CEMIP: variants seen among roughly 807,000 people sequenced by gnomAD.
CEMIP encodes cell migration-inducing and hyaluronan-binding protein.
Under a neutral mutation model 156.9 loss-of-function variants are expected in CEMIP, and 105 were observed. That is an observed-to-expected ratio of 0.67 (90% confidence interval 0.57 to 0.79). CEMIP has a LOEUF of 0.79. Ranked by LOEUF, CEMIP falls within the 30% of genes least tolerant of loss-of-function variation. The pLI, the probability that CEMIP is intolerant of heterozygous loss-of-function variation, is 0.00. For missense variants in CEMIP, 1,457 were observed against 1,769.4 expected (o/e 0.82, Z 3.17); for synonymous variants, 676 against 668.4 (o/e 1.01, Z -0.17).
chr15:80,843,111 C>T (rs1897466155), intron 1 of CEMIP, among the ~76,000 whole-genome samples: 1 of 152,214 alleles, frequency 6.6e-6, no homozygotes, highest in Non-Finnish European at 1.5e-5. Flanking sequence ...AGTGAACTCA[C>T]TACATGCCAG....
intron 1 of CEMIP, among the ~76,000 whole-genome samples, chr15:80,797,654 T>C (rs1555426520): frequency 4.8e-5 from 1 of 20,698 alleles, no homozygotes; most frequent in Non-Finnish European, 1.3e-4. Flanking sequence ...TAACACACGG[T>C]TCTTTAGCTC....
intron 3 of CEMIP, among the ~76,000 whole-genome samples, chr15:80,878,365 C>T (rs1898538949): frequency 1.3e-5 from 2 of 152,150 alleles, no homozygotes; most frequent in Middle Eastern, 3.2e-3. Flanking sequence ...TTCCAGAAGA[C>T]AGAATGTCCT....
intron 1 of CEMIP, among the ~76,000 whole-genome samples, chr15:80,864,176 T>C (rs1898060301): frequency 6.6e-6 from 1 of 152,208 alleles, no homozygotes; most frequent in South Asian, 2.1e-4. Context: ...GACTCTGGCT[T>C]GGTGCATCTG....
intron 25 of CEMIP, among the ~76,000 whole-genome samples, chr15:80,940,296 C>A (rs1030060618): frequency 6.6e-6 from 1 of 152,174 alleles, no homozygotes; most frequent in African/African-American, 2.4e-5. Flanking sequence ...CTACCATGGG[C>A]TGGATGGTCT....
intron 1 of CEMIP, among the ~76,000 whole-genome samples, chr15:80,786,475 C>G (rs949459307): frequency 6.6e-6 from 1 of 152,020 alleles, no homozygotes; most frequent in African/African-American, 2.4e-5. Flanking sequence ...ATCTGCCCAC[C>G]ACTGCCTCCC....
At chr15:80,813,596 T>A (rs1022895413) in intron 1 of CEMIP, among the ~76,000 whole-genome samples, 2 of 152,076 alleles carry the variant, frequency 1.3e-5, no homozygotes, top group Non-Finnish European at 2.9e-5. Flanking sequence ...TCCACCTGCG[T>A]TGGCCTCCCA....
chr15:80,862,682 G>A (rs943793794), intron 1 of CEMIP, among the ~76,000 whole-genome samples: 1 of 152,232 alleles, frequency 6.6e-6, no homozygotes. Flanking sequence ...TCCCATGCAC[G>A]AAGATAGCAG....
intron 10 of CEMIP, among the ~76,000 whole-genome samples, chr15:80,890,970 C>A (rs1899015398): frequency 6.6e-6 from 1 of 152,194 alleles, no homozygotes; most frequent in Non-Finnish European, 1.5e-5. Context: ...TCCTTGGGTC[C>A]AACAGAATCA....
Position 80,875,733 on chromosome 15 carries a change from A to C in CEMIP, c.94+1760A>C, listed in dbSNP as rs374807975. Among the ~76,000 whole-genome samples the C allele has an allele frequency of 4.6e-5, 7 of 152,188 alleles. No homozygotes were observed. The East Asian group carries it at 7.8e-4, about 17-fold the overall frequency. On this transcript the variant is annotated intron_variant, in intron 3 of 29. Transcript: ENST00000394685. Reference sequence around the variant, plus strand: ...CCCGCTTCTGGTGGCCCCTCCTGGGAAAGTGAGGGTGGTTTCCATGGTGAT... The same window carrying C: ...CCCGCTTCTGGTGGCCCCTCCTGGGCAAGTGAGGGTGGTTTCCATGGTGAT...
intron 1 of CEMIP, among the ~76,000 whole-genome samples, chr15:80,816,787 C>T (rs1228130644): frequency 6.6e-6 from 1 of 151,958 alleles, no homozygotes; most frequent in Non-Finnish European, 1.5e-5. Flanking sequence ...TGTCCTTGTA[C>T]CTGCACAGCT....
chr15:80,841,978 G>T (rs771817536), intron 1 of CEMIP: 3 of 396,916 alleles, frequency 7.6e-6, no homozygotes, highest in South Asian at 2.0e-5. Flanking sequence ...CTAGCACAGT[G>T]CCTGGGATAT....
chr15:80,822,642 A>G (rs1360449890), intron 1 of CEMIP, among the ~76,000 whole-genome samples: 3 of 152,232 alleles, frequency 2.0e-5, no homozygotes, highest in African/African-American at 2.4e-5. Context: ...TCAATACCAC[A>G]TTGAAAACAG....
At chr15:80,938,729 G>C (rs1028405342) in intron 25 of CEMIP, among the ~76,000 whole-genome samples, 1 of 152,162 alleles carries the variant, frequency 6.6e-6, no homozygotes, top group Non-Finnish European at 1.5e-5. Flanking sequence ...CCTGCACTAG[G>C]TTCTATTCAA....
In CEMIP at chr15:80,872,479, T is replaced by TAG. The variant is rs754996702; in HGVS notation, c.-175-1059_-175-1058insAG. On this transcript the variant is annotated intron_variant, in intron 1 of 29. Transcript: ENST00000394685. ...CAGATTCCCATAGTAAACTTCTATATGAGTAAAAGGAAACAAAAATAACGG... is the reference window on the plus strand; with the variant it reads ...CAGATTCCCATAGTAAACTTCTATATAGGAGTAAAAGGAAACAAAAATAACGG... 3.2e-4 allele frequency among the ~76,000 whole-genome samples: 48 copies of TAG among 149,528 alleles called. 1 individual carries two copies. The highest frequency in any genetic ancestry group is 4.3e-4 in the Non-Finnish European group (29 of 68,014).
chr15:80,870,368 T>C (rs562100675), intron 1 of CEMIP, among the ~76,000 whole-genome samples: 22 of 152,124 alleles, frequency 1.4e-4, no homozygotes, highest in Non-Finnish European at 3.1e-4. Context: ...CTACCTCTTC[T>C]TCCAATAATC....
At chr15:80,807,374 G>C (rs529386111) in intron 1 of CEMIP, among the ~76,000 whole-genome samples, 1 of 152,076 alleles carries the variant, frequency 6.6e-6, no homozygotes, top group South Asian at 2.1e-4. Flanking sequence ...GGGACTACAG[G>C]TGCATGCCAC....
intron 1 of CEMIP, among the ~76,000 whole-genome samples, chr15:80,840,055 C>T (rs1032652631): frequency 1.1e-4 from 16 of 152,180 alleles, no homozygotes; most frequent in Non-Finnish European, 2.1e-4. Context: ...GCCCCCCAGG[C>T]CAGCAGGGAA....
chr15:80,814,043 CTTTTTTTTTTTTT>C (rs778309859), intron 1 of CEMIP, among the ~76,000 whole-genome samples: 3 of 73,730 alleles, frequency 4.1e-5, no homozygotes, highest in Admixed American at 4.2e-4. Flanking sequence ...AACTCTTTGG[CTTTTTTTTTTTTT>C]TTTTTTTTTT....
rs560765831 is a variant in CEMIP at position 80,877,423 on chromosome 15, C to G, written c.95-1298C>G. On this transcript the variant is annotated intron_variant, in intron 3 of 29. Coordinates refer to ENST00000394685, the MANE Select transcript of CEMIP (RefSeq NM_001293298.2). ...GAAACCTTGCTCTGCCATGAGCTTA[C>G]CTGCACGTCACCTTCCCACCTCCTC... 6.6e-5 allele frequency among the ~76,000 whole-genome samples: 10 copies of G among 152,308 alleles called. No homozygotes were observed. The East Asian group carries it at 1.9e-3, about 29-fold the overall frequency.
Sources: allele counts gnomAD v4.1 joint callset (sites outside exome capture counted in the v4.1 genomes callset), GRCh38; gene constraint gnomAD v4.1.1; transcripts MANE v1.5; gene names NCBI Gene and HGNC (gene_info 2026-07-23, HGNC 2026-07-21).